The following YWHAB variants were observed in gnomAD, a reference collection of about 807,000 sequenced individuals.
YWHAB encodes 14-3-3 protein beta/alpha.
In YWHAB, 2 loss-of-function variants were observed where a neutral mutation model predicts 28.5. That is an observed-to-expected ratio of 0.07 (90% CI 0.03 to 0.22). YWHAB has a LOEUF of 0.22. Ranked by LOEUF, YWHAB falls within the 10% of genes least tolerant of loss-of-function variation. The probability of loss-of-function intolerance (pLI) is 1.00; values close to 1 mark genes in which losing one functional copy is unlikely to be tolerated. For missense variants in YWHAB, 148 were observed against 297.1 expected, an observed-to-expected ratio of 0.50 and a Z score of 3.69; for synonymous variants, 103 against 104.7, an observed-to-expected ratio of 0.98 and a Z score of 0.10.
At chr20:44,892,769 G>A (rs751138369) in intron 1 of YWHAB, among the ~76,000 whole-genome samples, 1 of 152,190 alleles carries the variant, frequency 6.6e-6, no homozygotes, top group Non-Finnish European at 1.5e-5. Context: ...ATTCAGGTAA[G>A]TTATAATGTG....
rs1370480117 is a variant in YWHAB at position 44,908,057 on chromosome 20, C to G, written c.*1619C>G. 6.6e-6 allele frequency: 1 copy of G among 152,478 alleles called. No individual in the cohort carries two copies. Among genetic ancestry groups the G allele is most frequent in the Non-Finnish European group, 1.5e-5 (1 of 68,020 alleles). 9.4% of individuals were successfully genotyped at this position (152,478 alleles called of 1,614,324 possible). On this transcript the variant is annotated 3_prime_UTR_variant, in exon 6 of 6. Coordinates refer to ENST00000353703, the MANE Select transcript of YWHAB (RefSeq NM_139323.4). The stretch of plus-strand genomic sequence containing the variant: ...CAGGCCTATCAGTCTCACAGAATCA[C>G]CCCTCTACCTTTGATATTCCACTTA...
At chr20:44,901,984 G>T in intron 2 of YWHAB, 151 bp downstream of exon 2, 1 of 839,824 alleles carries the variant, frequency 1.2e-6, no homozygotes, top group Non-Finnish European at 1.7e-6. Flanking sequence ...TTAAGCATAT[G>T]ATATAATTTG....
chr20:44,887,909 A>G (rs1459799385), intron 1 of YWHAB, among the ~76,000 whole-genome samples: 1 of 152,212 alleles, frequency 6.6e-6, no homozygotes, highest in East Asian at 1.9e-4. Context: ...ATCAGAGTTC[A>G]CTATTAATGG....
intron 3 of YWHAB, 72 bp from the exon 4 acceptor site, chr20:44,904,892 ATAAT>A (rs2145540552): frequency 6.9e-7 from 1 of 1,440,334 alleles, no homozygotes; most frequent in East Asian, 2.4e-5. Flanking sequence ...GACTGAGAAA[ATAAT>A]TTGATAGTTG....
At chr20:44,901,865 G>T (rs150855004) in intron 2 of YWHAB, 32 bp downstream of exon 2, 1 of 1,552,898 alleles carries the variant, frequency 6.4e-7, no homozygotes, top group Non-Finnish European at 8.7e-7. Context: ...TTTGAACAGT[G>T]GTTTCTAAAT....
At chr20:44,899,451 G>T (rs995906665) in intron 1 of YWHAB, among the ~76,000 whole-genome samples, 3 of 152,190 alleles carry the variant, frequency 2.0e-5, no homozygotes, top group African/African-American at 4.8e-5. Flanking sequence ...CTGTACTTCA[G>T]CCTGGGTGAC....
chr20:44,887,969 CAT>C (rs2066538052), intron 1 of YWHAB, among the ~76,000 whole-genome samples: 1 of 152,182 alleles, frequency 6.6e-6, no homozygotes, highest in Non-Finnish European at 1.5e-5. Flanking sequence ...GCTTTGTACA[CAT>C]GTTGCTTTCA....
intron 1 of YWHAB, among the ~76,000 whole-genome samples, chr20:44,895,951 G>A (rs768174567): frequency 2.8e-4 from 43 of 152,320 alleles, no homozygotes; most frequent in Middle Eastern, 3.4e-3. Flanking sequence ...TCATTCAGCA[G>A]ATATTTGTTC....
At chr20:44,894,556 G>T (rs2066584382) in intron 1 of YWHAB, among the ~76,000 whole-genome samples, 1 of 152,142 alleles carries the variant, frequency 6.6e-6, no homozygotes, top group African/African-American at 2.4e-5. Context: ...GATTAATCTA[G>T]ACTTTTGCTT....
intron 1 of YWHAB, chr20:44,887,407 G>A (rs890332895): frequency 2.0e-5 from 3 of 152,174 alleles, no homozygotes; most frequent in Non-Finnish European, 4.4e-5. Context: ...TGAGAAATGA[G>A]GTGATTTGGC....
At chr20:44,893,111 C>G (rs1234140701) in intron 1 of YWHAB, among the ~76,000 whole-genome samples, 1 of 151,850 alleles carries the variant, frequency 6.6e-6, no homozygotes, top group Admixed American at 6.6e-5. Flanking sequence ...TTTTTCTTTT[C>G]TTTCTTTCTT....
At chr20:44,904,517 CACTT>C (rs2066645445) in intron 3 of YWHAB, among the ~76,000 whole-genome samples, 1 of 152,234 alleles carries the variant, frequency 6.6e-6, no homozygotes, top group Non-Finnish European at 1.5e-5. Context: ...TTCCGAGTCT[CACTT>C]ACTCTTCACA....
rs955495129 is a variant in YWHAB at position 44,903,927 on chromosome 20, G to A, written c.301-66G>A. On this transcript the variant is annotated intron_variant, in intron 2 of 5. Coordinates refer to ENST00000353703, the MANE Select transcript of YWHAB (RefSeq NM_139323.4). The stretch of plus-strand genomic sequence containing the variant: ...ATTTAGAAGCAGTAGTGTATATCTT[G>A]AATCTCAAACATAGTTTTAACATCT... The A allele has an allele frequency of 5.2e-6, 8 of 1,543,290 alleles. No homozygotes were observed. In the African/African-American group the frequency reaches 1.1e-4, roughly 22 times the overall value.
At chr20:44,893,308 T>C (rs562701826) in intron 1 of YWHAB, among the ~76,000 whole-genome samples, 1 of 152,298 alleles carries the variant, frequency 6.6e-6, no homozygotes, top group South Asian at 2.1e-4. Context: ...GAAAATCCTA[T>C]TTTGTGAGTA....
intron 1 of YWHAB, among the ~76,000 whole-genome samples, chr20:44,891,523 A>C (rs1306878851): frequency 6.6e-6 from 1 of 152,200 alleles, no homozygotes; most frequent in East Asian, 1.9e-4. Context: ...TGGGCCCCAA[A>C]CTGTAGAAAT....
chr20:44,887,324 C>T (rs1354092153), intron 1 of YWHAB: 1 of 152,184 alleles, frequency 6.6e-6, no homozygotes, highest in Non-Finnish European at 1.5e-5. Flanking sequence ...GTAGCAACTG[C>T]AGAATTATTT....
At chr20:44,897,234 T>C (rs778182410) in intron 1 of YWHAB, among the ~76,000 whole-genome samples, 7 of 152,232 alleles carry the variant, frequency 4.6e-5, no homozygotes, top group Non-Finnish European at 1.0e-4. Context: ...CTGAAGAGGT[T>C]GATGGCATTA....
chr20:44,896,007 C>T (rs1048884299), intron 1 of YWHAB, among the ~76,000 whole-genome samples: 2 of 152,104 alleles, frequency 1.3e-5, no homozygotes, highest in Non-Finnish European at 1.5e-5. Flanking sequence ...TCCAAAGGAG[C>T]TTATGGTGTA....
chr20:44,902,951 C>A, intron 2 of YWHAB: 1 of 646,964 alleles, frequency 1.5e-6, no homozygotes, highest in Non-Finnish European at 1.9e-6. Context: ...CAAGAAAGTT[C>A]CATAATTCAT....
Sources: gnomAD v4.1 joint callset for allele counts (sites outside exome capture counted in the v4.1 genomes callset) on GRCh38, gnomAD v4.1.1 for gene constraint, MANE v1.5 for transcripts, NCBI Gene and HGNC (gene_info 2026-07-23, HGNC 2026-07-21) for gene names.